The following EFCAB5 variants were observed in gnomAD, a reference collection of about 807,000 sequenced individuals.
EFCAB5 encodes EF-hand calcium binding domain 5.
Under a neutral mutation model 167.9 loss-of-function variants are expected in EFCAB5, and 131 were observed. That is an observed-to-expected ratio of 0.78 (90% CI 0.68 to 0.90). EFCAB5 has a LOEUF of 0.90. Among genes scored for constraint, EFCAB5 ranks in the 40% least tolerant of loss-of-function variants. EFCAB5 has a pLI of 0.00. For missense variants in EFCAB5, 1,663 were observed against 1,745.2 expected, an observed-to-expected ratio of 0.95 and a Z score of 0.84; for synonymous variants, 574 against 602.8, an observed-to-expected ratio of 0.95 and a Z score of 0.70.
At chr17:30,074,596 T>C (rs139392792) in intron 14 of EFCAB5, 7 of 152,296 alleles carry the variant, frequency 4.6e-5, no homozygotes, top group African/African-American at 1.7e-4. Context: ...TCTTAGCTAT[T>C]ATAAATAAAG....
At chr17:30,094,631 G>A (rs911638405) in intron 22 of EFCAB5, among the ~76,000 whole-genome samples, 5 of 151,814 alleles carry the variant, frequency 3.3e-5, no homozygotes, top group African/African-American at 7.3e-5. Context: ...GCTGTGAAAT[G>A]TGATCATGCC....
intron 7 of EFCAB5, among the ~76,000 whole-genome samples, chr17:30,004,302 A>T (rs1313464125): frequency 6.6e-6 from 1 of 152,206 alleles, no homozygotes; most frequent in Non-Finnish European, 1.5e-5. Context: ...CTCTGATACC[A>T]TGCTGGTGGA....
At chr17:30,041,608 G>A (rs1335705859) in intron 8 of EFCAB5, among the ~76,000 whole-genome samples, 2 of 152,346 alleles carry the variant, frequency 1.3e-5, no homozygotes, top group South Asian at 2.1e-4. Flanking sequence ...AAAGCAGCAA[G>A]TAGGGTTTGA....
rs1398459771 is a variant in EFCAB5, at chr17:30,016,878, CA to C, written c.1044+16906del. Among the ~76,000 whole-genome samples the C allele has an allele frequency of 2.6e-5, 4 of 151,874 alleles. No individual in the cohort carries two copies. In the East Asian group the frequency reaches 7.7e-4, roughly 29 times the overall value. Reference sequence around the variant, plus strand: ...GGAATTTTTGAAACACAGATAAATACAAAACAATAGAATAACAGCCAGCCAC... The same window carrying C: ...GGAATTTTTGAAACACAGATAAATACAAACAATAGAATAACAGCCAGCCAC... On this transcript the variant is annotated intron_variant, in intron 7 of 22. Coordinates refer to ENST00000394835, the MANE Select transcript of EFCAB5 (RefSeq NM_198529.4).
At chr17:30,055,463 TA>T (rs1408014699) in intron 10 of EFCAB5, among the ~76,000 whole-genome samples, 15 of 152,218 alleles carry the variant, frequency 9.9e-5, no homozygotes. Context: ...ACAAATCTTT[TA>T]CTTATTAAAT....
intron 22 of EFCAB5, among the ~76,000 whole-genome samples, chr17:30,100,801 A>G (rs1415288677): frequency 6.6e-6 from 1 of 152,186 alleles, no homozygotes; most frequent in African/African-American, 2.4e-5. Context: ...AAAGATGTGA[A>G]GGAAGTGAGG....
Position 29,993,302 on chromosome 17 carries a change from G to A in EFCAB5, c.905G>A (p.Gly302Glu). 1.2e-6 allele frequency: 2 copies of A among 1,612,640 alleles called. No homozygotes were observed. Among genetic ancestry groups the A allele is most frequent in the Middle Eastern group, 1.6e-4 (1 of 6,062 alleles). ...QFDEWILDPKGMIPKSVIQNV... is the reference protein window; with the variant it reads ...QFDEWILDPKEMIPKSVIQNV... ...GATGAATGGATTCTAGACCCTAAAG[G>A]AATGATTCCTAAGTCAGTGGTAAGA... is the stretch of plus-strand genomic sequence containing the variant. The change falls in exon 5 of 23, where the codon GGA becomes GAA. Residue 302 changes from glycine to glutamate, a missense_variant. Transcript: ENST00000394835.
At chr17:29,980,588 A>G (rs2068154470) in intron 4 of EFCAB5, among the ~76,000 whole-genome samples, 1 of 152,132 alleles carries the variant, frequency 6.6e-6, no homozygotes, top group African/African-American at 2.4e-5. Context: ...ATACTTGTCT[A>G]ACTTTCCTTC....
intron 3 of EFCAB5, chr17:29,968,276 G>A: frequency 2.3e-6 from 1 of 440,682 alleles, no homozygotes; most frequent in South Asian, 1.6e-5. Flanking sequence ...CAAGAAATAA[G>A]TTATAATTTG....
At position 29,983,883 on chromosome 17, in the gene EFCAB5, T is replaced by C. The variant is rs534323256; in HGVS notation, c.768-9282T>C. Among the ~76,000 whole-genome samples the C allele has an allele frequency of 5.9e-5, 9 of 152,170 alleles. No homozygotes were observed. The East Asian group carries it at 1.7e-3, about 29-fold the overall frequency. ...AGGAAATGATGTCTGAGGTGAGACC[T>C]AAAGCATGTGGAGGATCTAGTCAGG... On this transcript the variant is annotated intron_variant, in intron 4 of 22. Transcript: ENST00000394835.
At chr17:29,993,423 T>C (rs1264822464) in intron 5 of EFCAB5, 102 bp downstream of exon 5, 23 of 1,234,864 alleles carry the variant, frequency 1.9e-5, no homozygotes, top group Non-Finnish European at 4.4e-6. Flanking sequence ...CTTGAAATTT[T>C]CAGTATTGCT....
At position 29,999,938 on chromosome 17, in the gene EFCAB5, T is replaced by C; in HGVS notation, c.1006T>C (p.Ser336Pro). ...SHCKQLDITD[S>P]TEPRLNKMEF... is the part of the protein sequence containing the mutation. ...CTGCAAACAACTGGATATTACTGAC[T>C]CAACAGAACCAAGATTGAACAAAAT... The change falls in exon 7 of 23, where the codon TCA (serine) becomes CCA (proline). Residue 336 changes from serine (S) to proline (P), a missense_variant. By Grantham distance (74) the Ser-to-Pro change is moderately conservative. Coordinates refer to ENST00000394835, the MANE Select transcript of EFCAB5 (RefSeq NM_198529.4). 1.3e-6 allele frequency: 2 copies of C among 1,585,962 alleles called. No individual in the cohort carries two copies. The highest frequency in any genetic ancestry group is 1.7e-6 in the Non-Finnish European group (2 of 1,164,658).
intron 21 of EFCAB5, 36 bp from the exon 22 acceptor site, chr17:30,092,804 T>C: frequency 6.7e-7 from 1 of 1,485,738 alleles, no homozygotes; most frequent in Non-Finnish European, 9.3e-7. Flanking sequence ...TGCTTCCTGG[T>C]GATCCCATAA....
chr17:30,053,483 G>A lies in EFCAB5; in HGVS notation c.1529G>A (p.Arg510Lys), dbSNP rs2070160154. The A allele has an allele frequency of 1.9e-6, 3 of 1,613,982 alleles. No homozygotes were observed. Among genetic ancestry groups the A allele is most frequent in the Non-Finnish European group, 2.5e-6 (3 of 1,179,896 alleles). Residue 510 changes from arginine to lysine, a missense_variant, in exon 10 of 23, where the codon AGA (arginine) becomes AAA (lysine). Coordinates refer to ENST00000394835, the MANE Select transcript of EFCAB5 (RefSeq NM_198529.4). Reference sequence around the variant, plus strand: ...TCACCAAACCCGCCAGAACAGCAGAGAGGAGTAACTGCAGAACAAGGACCA... The same window carrying A: ...TCACCAAACCCGCCAGAACAGCAGAAAGGAGTAACTGCAGAACAAGGACCA... ...TPSPNPPEQQ[R>K]GVTAEQGPQR...
chr17:30,107,269 C>G (rs1180085911), intron 22 of EFCAB5, among the ~76,000 whole-genome samples: 3 of 152,134 alleles, frequency 2.0e-5, no homozygotes, highest in Admixed American at 6.5e-5. Flanking sequence ...TTCAAACATG[C>G]AAGTATAGAG....
intron 3 of EFCAB5, among the ~76,000 whole-genome samples, chr17:29,956,525 C>CACACTCAGCTACTTGTT (rs2067618832): frequency 1.3e-5 from 2 of 152,262 alleles, no homozygotes; most frequent in African/African-American, 4.8e-5. Context: ...GTGATTGGCT[C>CACACTCAGCTACTTGTT]ACACTCAGCT....
chr17:30,017,908 C>G (rs559781598), intron 7 of EFCAB5, among the ~76,000 whole-genome samples: 142 of 152,232 alleles, frequency 9.3e-4, no homozygotes, highest in Admixed American at 3.9e-4. Context: ...ATCCAAGGCT[C>G]ATTTCCTGTC....
At chr17:30,026,959 A>C (rs1363569651) in intron 7 of EFCAB5, among the ~76,000 whole-genome samples, 2 of 83,680 alleles carry the variant, frequency 2.4e-5, no homozygotes, top group African/African-American at 4.1e-5. Context: ...ACCTCCTTGT[A>C]CCTTTTTTTT....
At chr17:30,044,072 C>A (rs2069850400) in intron 8 of EFCAB5, among the ~76,000 whole-genome samples, 1 of 151,972 alleles carries the variant, frequency 6.6e-6, no homozygotes, top group Admixed American at 6.6e-5. Flanking sequence ...TATAAAGACT[C>A]CTACAACTTT....
Sources: gnomAD v4.1 joint callset for allele counts (sites outside exome capture counted in the v4.1 genomes callset) on GRCh38, gnomAD v4.1.1 for gene constraint, MANE v1.5 for transcripts, NCBI Gene and HGNC (gene_info 2026-07-23, HGNC 2026-07-21) for gene names.